Variants in CYTH3 observed in about 807,000 individuals in gnomAD.
CYTH3 encodes the protein cytohesin-3.
CYTH3 carries 23 observed loss-of-function variants against 55.1 expected under a neutral mutation model. That is an observed-to-expected ratio of 0.42 (90% CI 0.30 to 0.59). The LOEUF (loss-of-function observed/expected upper bound fraction) is 0.59. CYTH3 is among the 20% of genes least tolerant of loss of function. CYTH3 has a pLI of 0.20. For missense variants in CYTH3, 413 were observed against 524.8 expected, an observed-to-expected ratio of 0.79 and a Z score of 2.08; for synonymous variants, 249 against 194.9, an observed-to-expected ratio of 1.28 and a Z score of -2.31.
Position 6,256,506 on chromosome 7 carries a change from A to C in CYTH3, c.34+15968T>G, listed in dbSNP as rs545638741. Among the ~76,000 whole-genome samples, 8 of 152,358 alleles carry C rather than the reference A, an allele frequency of 5.3e-5. No homozygotes were observed. In the East Asian group the frequency reaches 1.5e-3, roughly 29 times the overall value. On this transcript the variant is annotated intron_variant, in intron 1 of 12. Coordinates refer to ENST00000350796, the MANE Select transcript of CYTH3 (RefSeq NM_004227.4). ...GATGGTCTTCATTACCTTTAGATGC[A>C]AGACAGTCCGCTCTTCACCAGAATC...
chr7:6,212,807 A>T (rs1020295782), intron 1 of CYTH3: 2 of 152,190 alleles, frequency 1.3e-5, no homozygotes, highest in Non-Finnish European at 2.9e-5. Flanking sequence ...TTATCCATTC[A>T]TCTGGCCATG....
chr7:6,184,827 C>A (rs1333277137), intron 4 of CYTH3, among the ~76,000 whole-genome samples: 1 of 152,232 alleles, frequency 6.6e-6, no homozygotes, highest in Non-Finnish European at 1.5e-5. Flanking sequence ...ATCTGCCCAA[C>A]TGGGCCTCCT....
At chr7:6,260,312 G>A (rs967631407) in intron 1 of CYTH3, among the ~76,000 whole-genome samples, 48 of 152,266 alleles carry the variant, frequency 3.2e-4, no homozygotes, top group African/African-American at 1.2e-3. Flanking sequence ...TACTAAGAGT[G>A]TGAAAATGCA....
chr7:6,178,984 C>T lies in CYTH3; in HGVS notation c.250-1043G>A, dbSNP rs116360828. 8.5e-3 allele frequency among the ~76,000 whole-genome samples: 1,299 copies of T among 152,324 alleles called. 18 individuals carry two copies. The highest frequency in any genetic ancestry group is 0.03 in the African/African-American group (1,233 of 41,560). On this transcript the variant is annotated intron_variant, in intron 4 of 12. Coordinates refer to ENST00000350796, the MANE Select transcript of CYTH3 (RefSeq NM_004227.4). ...TTCAGAAATCAATTTGCCAGGAGGC[C>T]ATTTCTACAAATTCAGAGAGGCTTT...
At chr7:6,201,177 C>T (rs1784051836) in intron 1 of CYTH3, among the ~76,000 whole-genome samples, 1 of 152,234 alleles carries the variant, frequency 6.6e-6, no homozygotes, top group African/African-American at 2.4e-5. Context: ...CACCACTCGA[C>T]AGTCGGGTGA....
rs1300299821 is a variant in CYTH3, at chr7:6,167,516, G to A, written c.824-1706C>T. ...GAGCAGGCCCCGCTCCAGCTGCACTGGTGCCAGCTGCCATCCCCCAAACAG... is the reference window on the plus strand; with the variant it reads ...GAGCAGGCCCCGCTCCAGCTGCACTAGTGCCAGCTGCCATCCCCCAAACAG... On this transcript the variant is annotated intron_variant, in intron 9 of 12. Transcript: ENST00000350796. This position sits in a 1 kb window ranked among gnomAD's most constrained non-coding sequence, Gnocchi z 5.5. 6.6e-6 allele frequency among the ~76,000 whole-genome samples: 1 copy of A among 152,236 alleles called. No individual in the cohort carries two copies. Among genetic ancestry groups the A allele is most frequent in the African/African-American group, 2.4e-5 (1 of 41,468 alleles).
At chr7:6,204,954 C>CAGGA (rs1268550404) in intron 1 of CYTH3, among the ~76,000 whole-genome samples, 3 of 151,888 alleles carry the variant, frequency 2.0e-5, no homozygotes, top group Non-Finnish European at 4.4e-5. Flanking sequence ...CACTTGAGCC[C>CAGGA]AGGAGTTCAA....
At chr7:6,257,931 G>A (rs1780172593) in intron 1 of CYTH3, among the ~76,000 whole-genome samples, 2 of 152,108 alleles carry the variant, frequency 1.3e-5, no homozygotes, top group African/African-American at 4.8e-5. Flanking sequence ...GTGTGGGCTT[G>A]GAAATGGACA....
chr7:6,191,306 A>C (rs1783798645), intron 1 of CYTH3, among the ~76,000 whole-genome samples: 1 of 151,976 alleles, frequency 6.6e-6, no homozygotes, highest in African/African-American at 2.4e-5. Flanking sequence ...TAAATAAATA[A>C]ATAAATCAAC....
intron 1 of CYTH3, among the ~76,000 whole-genome samples, chr7:6,222,652 T>A (rs1366439456): frequency 6.7e-6 from 1 of 148,534 alleles, no homozygotes; most frequent in African/African-American, 2.5e-5. Flanking sequence ...GAGGCTGAGG[T>A]GGGAGAATGG....
intron 1 of CYTH3, among the ~76,000 whole-genome samples, chr7:6,225,990 AT>A (rs928835690): frequency 1.3e-5 from 2 of 152,144 alleles, no homozygotes; most frequent in East Asian, 3.8e-4. Flanking sequence ...ACAGCCTGAA[AT>A]TTTTTTAAAA....
At chr7:6,268,532 G>C (rs112478477) in intron 1 of CYTH3, among the ~76,000 whole-genome samples, 3 of 152,168 alleles carry the variant, frequency 2.0e-5, no homozygotes, top group African/African-American at 4.8e-5. Context: ...GAGCTTCCTC[G>C]TTCCTTTCTA....
At chr7:6,206,186 A>G (rs1264849885) in intron 1 of CYTH3, among the ~76,000 whole-genome samples, 1 of 152,240 alleles carries the variant, frequency 6.6e-6, no homozygotes, top group Non-Finnish European at 1.5e-5. Flanking sequence ...CTATTCACAA[A>G]TAGCCCAAAC....
rs1247961493 is a variant in CYTH3 at position 6,263,621 on chromosome 7, A to C, written c.34+8853T>G. Among the ~76,000 whole-genome samples, 3 of 151,678 alleles carry C rather than the reference A, an allele frequency of 2.0e-5. No homozygotes were observed. The East Asian group carries it at 5.9e-4, about 30-fold the overall frequency. ...GACCAGCCTGGCCAACGTAGCAAAA[A>C]CCTGTCTCTACTAAAAATACTAAAA... On this transcript the variant is annotated intron_variant, in intron 1 of 12. Coordinates refer to ENST00000350796, the MANE Select transcript of CYTH3 (RefSeq NM_004227.4).
At chr7:6,182,198 C>T (rs1427847584) in intron 4 of CYTH3, among the ~76,000 whole-genome samples, 1 of 152,082 alleles carries the variant, frequency 6.6e-6, no homozygotes, top group Non-Finnish European at 1.5e-5. Context: ...CAGGTGCCTG[C>T]TACCATACCC....
intron 1 of CYTH3, among the ~76,000 whole-genome samples, chr7:6,195,279 A>C (rs1583771994): frequency 6.6e-6 from 1 of 152,224 alleles, no homozygotes; most frequent in Non-Finnish European, 1.5e-5. Context: ...AAGCAAAAAA[A>C]TTTTGCAAAA....
chr7:6,263,270 T>G (rs930265477), intron 1 of CYTH3, among the ~76,000 whole-genome samples: 3 of 152,180 alleles, frequency 2.0e-5, no homozygotes. Context: ...AGGTAAATAT[T>G]TAAAAGTAAG....
intron 4 of CYTH3, among the ~76,000 whole-genome samples, chr7:6,182,272 AC>A (rs1461059002): frequency 6.6e-6 from 1 of 152,050 alleles, no homozygotes; most frequent in Non-Finnish European, 1.5e-5. Context: ...CTGCTCTTGA[AC>A]TTCTAACCTC....
chr7:6,222,284 A>C (rs1784569532), intron 1 of CYTH3, among the ~76,000 whole-genome samples: 2 of 152,188 alleles, frequency 1.3e-5, no homozygotes, highest in Non-Finnish European at 2.9e-5. Context: ...AAAATGTGAT[A>C]CCAAATGAGC....
Sources: allele counts gnomAD v4.1 joint callset (sites outside exome capture counted in the v4.1 genomes callset), GRCh38; gene constraint gnomAD v4.1.1; non-coding constraint Gnocchi (gnomAD v3.1); transcripts MANE v1.5; gene names NCBI Gene and HGNC (gene_info 2026-07-23, HGNC 2026-07-21).